Variants in GALNT14 observed in about 807,000 individuals in gnomAD.
GALNT14 encodes the protein UDP-GalNAc:polypeptide N-acetylgalactosaminyltransferase 14.
A neutral mutation model predicts 77.5 loss-of-function variants in GALNT14; 60 were observed. The observed-to-expected ratio is 0.77, with a 90% CI of 0.63 to 0.96. The LOEUF (loss-of-function observed/expected upper bound fraction) is 0.96, where lower values mean the gene tolerates loss of function less well. GALNT14 is among the 40% of genes least tolerant of loss of function. The probability of loss-of-function intolerance (pLI) is 0.00; values close to 1 mark genes in which losing one functional copy is unlikely to be tolerated. For synonymous variants in GALNT14, 280 were observed against 281.7 expected, an observed-to-expected ratio of 0.99 and a Z score of 0.06; for missense variants, 710 against 731.0, an observed-to-expected ratio of 0.97 and a Z score of 0.33.
At chr2:30,892,542 G>A in the GALNT14 span, among the ~76,000 whole-genome samples, 1 of 152,184 alleles carries the variant, frequency 6.6e-6, no homozygotes, top group Non-Finnish European at 1.5e-5. Flanking sequence ...CAGGAGAATA[G>A]CACTGACTGC....
chr2:30,924,359 G>C (rs1665225360), intron 12 of GALNT14, 96 bp from the exon 13 acceptor site: 4 of 1,322,340 alleles, frequency 3.0e-6, no homozygotes, highest in African/African-American at 2.9e-5. Flanking sequence ...GAGAATGGCA[G>C]GGCTGGGCTG....
chr2:30,983,083 G>A (rs12468401), intron 2 of GALNT14, among the ~76,000 whole-genome samples: 81,055 of 151,926 alleles, frequency 0.53, 22,216 homozygotes, highest in Middle Eastern at 0.67. Context: ...ATTCAGAGGC[G>A]AGAGAACTGA....
At chr2:31,109,848 C>A (rs1292026056) in intron 1 of GALNT14, among the ~76,000 whole-genome samples, 1 of 152,106 alleles carries the variant, frequency 6.6e-6, no homozygotes, top group Non-Finnish European at 1.5e-5. Flanking sequence ...TCACAAGGTC[C>A]AAATGGGATA....
At chr2:30,963,333 G>A (rs1234048983) in intron 3 of GALNT14, among the ~76,000 whole-genome samples, 1 of 152,204 alleles carries the variant, frequency 6.6e-6, no homozygotes, top group African/African-American at 2.4e-5. Flanking sequence ...CTCAACAAGT[G>A]CACCACCTGC....
At chr2:31,099,407 G>A (rs530602095) in intron 1 of GALNT14, among the ~76,000 whole-genome samples, 3 of 151,592 alleles carry the variant, frequency 2.0e-5, no homozygotes, top group African/African-American at 4.8e-5. Context: ...CTACTTAGAA[G>A]ATTTTTTTCC....
chr2:31,090,454 T>C (rs1676670580), intron 1 of GALNT14, among the ~76,000 whole-genome samples: 2 of 150,948 alleles, frequency 1.3e-5, no homozygotes, highest in South Asian at 2.1e-4. Context: ...CCAGCTCTGC[T>C]TGCACTGCCT....
At chr2:30,976,239 A>G (rs1313082005) in intron 2 of GALNT14, among the ~76,000 whole-genome samples, 3 of 151,940 alleles carry the variant, frequency 2.0e-5, no homozygotes, top group Non-Finnish European at 4.4e-5. Context: ...GCCCCAATCT[A>G]CCTCCTCAGG....
intron 1 of GALNT14, among the ~76,000 whole-genome samples, chr2:31,056,474 A>C (rs1223098341): frequency 6.6e-6 from 1 of 152,174 alleles, no homozygotes; most frequent in Non-Finnish European, 1.5e-5. Flanking sequence ...ATGGGAAGCC[A>C]CTGGCCAGAC....
At chr2:31,130,069 A>T (rs1170229339) in intron 1 of GALNT14, among the ~76,000 whole-genome samples, 1 of 152,226 alleles carries the variant, frequency 6.6e-6, no homozygotes, top group Non-Finnish European at 1.5e-5. Flanking sequence ...TTTCCTTGAA[A>T]GATCTCTGTA....
chr2:30,958,528 G>A (rs1355205776), intron 3 of GALNT14, 64 bp from the exon 4 acceptor site: 8 of 1,310,464 alleles, frequency 6.1e-6, no homozygotes, highest in East Asian at 4.7e-5. Context: ...GTACTAACCC[G>A]AGTTTTAAAT....
At chr2:30,957,938 GAC>G (rs1280640767) in intron 4 of GALNT14, among the ~76,000 whole-genome samples, 1 of 152,230 alleles carries the variant, frequency 6.6e-6, no homozygotes, top group Non-Finnish European at 1.5e-5. Context: ...TGTCTGGTAA[GAC>G]ACACATGTTT....
rs138681571 is a variant in GALNT14, at chr2:30,947,398, C to T, written c.655-1528G>A. On this transcript the variant is annotated intron_variant, in intron 6 of 14. Transcript: ENST00000349752. ...GCCACCCCATCTACGGCATCAAAAT[C>T]ATGCAGGAAACATTTTCAAAATATG... 4.1e-3 allele frequency among the ~76,000 whole-genome samples: 618 copies of T among 152,346 alleles called. 5 individuals are homozygous for T. The highest frequency in any genetic ancestry group is 0.014 in the African/African-American group (588 of 41,566).
At chr2:31,026,527 G>A (rs578239163) in intron 1 of GALNT14, among the ~76,000 whole-genome samples, 1 of 152,298 alleles carries the variant, frequency 6.6e-6, no homozygotes, top group East Asian at 1.9e-4. Flanking sequence ...CTCAGTCGGG[G>A]TGACGCCAAG....
the GALNT14 span, among the ~76,000 whole-genome samples, chr2:30,902,373 T>A: frequency 1.3e-5 from 2 of 152,174 alleles, no homozygotes; most frequent in Non-Finnish European, 2.9e-5. Flanking sequence ...CATTTTCCAC[T>A]AAGGAGGCTT....
At chr2:31,137,913 C>A (rs201281701) in intron 1 of GALNT14, 45 bp downstream of exon 1, 3 of 1,571,886 alleles carry the variant, frequency 1.9e-6, no homozygotes, top group Non-Finnish European at 2.6e-6. Context: ...TGCGCGCCCT[C>A]CCGCAAGCCA....
At chr2:31,136,535 T>TC (rs375132038) in intron 1 of GALNT14, among the ~76,000 whole-genome samples, 1 of 152,032 alleles carries the variant, frequency 6.6e-6, no homozygotes, top group African/African-American at 2.4e-5. Context: ...TGAACTCCTC[T>TC]CCCCCCAGAG....
At chr2:30,938,101 C>T (rs920314526) in intron 9 of GALNT14, among the ~76,000 whole-genome samples, 1 of 151,394 alleles carries the variant, frequency 6.6e-6, no homozygotes, top group Non-Finnish European at 1.5e-5. Flanking sequence ...CCTGGTGTCC[C>T]TGACTACATT....
chr2:30,982,705 T>C (rs1287551092), intron 2 of GALNT14, among the ~76,000 whole-genome samples: 2 of 152,210 alleles, frequency 1.3e-5, no homozygotes, highest in Non-Finnish European at 2.9e-5. Flanking sequence ...ATTCTTTAAC[T>C]TGATGTAGGT....
intron 1 of GALNT14, among the ~76,000 whole-genome samples, chr2:31,110,936 C>T (rs1329124866): frequency 6.6e-6 from 1 of 152,138 alleles, no homozygotes; most frequent in Admixed American, 6.5e-5. Flanking sequence ...ACTCTAACTC[C>T]AAATCTCTGA....
Sources: gnomAD v4.1 joint callset for allele counts (sites outside exome capture counted in the v4.1 genomes callset) on GRCh38, gnomAD v4.1.1 for gene constraint, MANE v1.5 for transcripts, NCBI Gene and HGNC (gene_info 2026-07-23, HGNC 2026-07-21) for gene names.